Variants in ELN observed in about 807,000 individuals in gnomAD.
ELN encodes tropoelastin.
Under a neutral mutation model 105.8 loss-of-function variants are expected in ELN, and 65 were observed. The observed-to-expected ratio is 0.61, with a 90% CI of 0.50 to 0.75. ELN has a LOEUF of 0.75. ELN is among the 30% of genes least tolerant of loss of function. The pLI, the probability that ELN is intolerant of heterozygous loss-of-function variation, is 0.00. For synonymous variants in ELN, 368 were observed against 389.2 expected, an observed-to-expected ratio of 0.95 and a Z score of 0.64; for missense variants, 882 against 969.4, an observed-to-expected ratio of 0.91 and a Z score of 1.20.
At chr7:74,055,936 GCCA>G (rs1563834870) in intron 19 of ELN, among the ~76,000 whole-genome samples, 1 of 151,458 alleles carries the variant, frequency 6.6e-6, no homozygotes, top group East Asian at 1.9e-4. Context: ...ACAGGTGCCC[GCCA>G]CCACGCCCGG....
intron 23 of ELN, 23 bp downstream of exon 23, chr7:74,060,070 C>T (rs1563854209): frequency 1.2e-6 from 2 of 1,614,118 alleles, no homozygotes; most frequent in Non-Finnish European, 8.5e-7. Flanking sequence ...AGTCAATGAG[C>T]CTGAGGGGCC....
At chr7:74,029,560 C>T (rs1554661048) in intron 1 of ELN, among the ~76,000 whole-genome samples, 1 of 152,130 alleles carries the variant, frequency 6.6e-6, no homozygotes, top group Non-Finnish European at 1.5e-5. Flanking sequence ...GGGGTGGAGT[C>T]AAGGGCCTGG....
chr7:74,036,313 A>T (rs563967078), intron 2 of ELN, among the ~76,000 whole-genome samples: 1 of 152,030 alleles, frequency 6.6e-6, no homozygotes, highest in South Asian at 2.1e-4. Context: ...TAAAAAATTA[A>T]AAAAAGCATT....
intron 22 of ELN, among the ~76,000 whole-genome samples, chr7:74,058,056 C>CCTTCTT (rs569093979): frequency 6.6e-6 from 1 of 151,184 alleles, no homozygotes; most frequent in African/African-American, 2.4e-5. Flanking sequence ...TGCTCCTCTT[C>CCTTCTT]CTTCTTCTTC....
chr7:74,033,755 G>A (rs1554663867), intron 1 of ELN, among the ~76,000 whole-genome samples: 1 of 152,226 alleles, frequency 6.6e-6, no homozygotes, highest in Non-Finnish European at 1.5e-5. Context: ...TGGCCGCGAG[G>A]CCTCCCTGGA....
rs927874306 is a variant in ELN at position 74,063,563 on chromosome 7, C to T, written c.1919-58C>T. 104 of 1,613,066 alleles carry T rather than the reference C, an allele frequency of 6.4e-5. No homozygotes were observed. The highest frequency in any genetic ancestry group is 3.2e-4 in the South Asian group (29 of 91,060). On this transcript the variant is annotated intron_variant, in intron 28 of 32. Coordinates refer to ENST00000252034, the MANE Select transcript of ELN (RefSeq NM_000501.4). The surrounding 1 kb of genome is among the most constrained non-coding windows in gnomAD (Gnocchi z 4.1). The stretch of plus-strand genomic sequence containing the variant: ...GAGGACACCTCCGCCCTCCACAGGC[C>T]GAGGCTTCAGTCCCACCTTTCTGAC...
At position 74,051,995 on chromosome 7, in the gene ELN, C is replaced by T; in HGVS notation, c.949+12C>T. On this transcript the variant is annotated intron_variant, in intron 17 of 32. Coordinates refer to ENST00000252034, the MANE Select transcript of ELN (RefSeq NM_000501.4). ...GGCAGCCAAGTATGGTGAGTGCCTC[C>T]CGGGGTGGCAAGTCCACGGCTCGGG... The T allele has an allele frequency of 6.2e-7, 1 of 1,612,688 alleles. No individual in the cohort carries two copies. Among genetic ancestry groups the T allele is most frequent in the Non-Finnish European group, 8.5e-7 (1 of 1,180,008 alleles).
At chr7:74,045,091 C>T (rs1020973471) in intron 9 of ELN, 131 bp from the exon 10 acceptor site, 35 of 976,990 alleles carry the variant, frequency 3.6e-5, no homozygotes, top group Admixed American at 5.4e-5. Flanking sequence ...TCTCCACCCA[C>T]CCCGTGAGCC....
At position 74,063,144 on chromosome 7, in the gene ELN, T is replaced by A; in HGVS notation, c.1787-9T>A. Reference sequence around the variant, plus strand: ...AATGGAACACTCATTTTCCCTCCTCTCCCCGCAGGAGCAGCAGTGCCTGGG... The same window carrying A: ...AATGGAACACTCATTTTCCCTCCTCACCCCGCAGGAGCAGCAGTGCCTGGG... On this transcript the variant is annotated splice_polypyrimidine_tract_variant and intron_variant, in intron 26 of 32. Transcript: ENST00000252034. This position sits in a 1 kb window ranked among gnomAD's most constrained non-coding sequence, Gnocchi z 4.1. 1 of 1,600,222 alleles carries A rather than the reference T, an allele frequency of 6.2e-7. No homozygotes were observed. Among genetic ancestry groups the A allele is most frequent in the Non-Finnish European group, 8.5e-7 (1 of 1,175,330 alleles).
At chr7:74,062,009 C>T (rs1796794989) in intron 26 of ELN, among the ~76,000 whole-genome samples, 1 of 152,240 alleles carries the variant, frequency 6.6e-6, no homozygotes, top group South Asian at 2.1e-4. Flanking sequence ...AGCAGGACCG[C>T]TCCCACCACG....
intron 19 of ELN, among the ~76,000 whole-genome samples, chr7:74,055,944 G>C (rs989271903): frequency 2.6e-5 from 4 of 151,618 alleles, no homozygotes; most frequent in Non-Finnish European, 5.9e-5. Context: ...CCGCCACCAC[G>C]CCCGGCTAAT....
rs143628969 is a variant in ELN, at chr7:74,062,614, G to A, written c.1787-539G>A. ...CGCCCAGGCTGGAATGCAGTGGTAC[G>A]ATCTTGGCTCCCTGCAGCCTCCATC... On this transcript the variant is annotated intron_variant, in intron 26 of 32. Coordinates refer to ENST00000252034, the MANE Select transcript of ELN (RefSeq NM_000501.4). 9.8e-3 allele frequency among the ~76,000 whole-genome samples: 1,493 copies of A among 152,196 alleles called. 23 individuals carry two copies. Among genetic ancestry groups the A allele is most frequent in the African/African-American group, 0.034 (1,412 of 41,530 alleles).
chr7:74,046,087 T>G (rs1381849605), intron 10 of ELN, 101 bp from the exon 11 acceptor site: 2 of 1,507,890 alleles, frequency 1.3e-6, no homozygotes, highest in Non-Finnish European at 1.8e-6. Flanking sequence ...ATGACTGGTC[T>G]GGGAAGAACT....
chr7:74,036,558 CT>C lies in ELN; in HGVS notation c.138del (p.Gly47ValfsTer75). On this transcript the variant is annotated frameshift_variant, in exon 3 of 33. Transcript: ENST00000252034. LOFTEE classifies it high-confidence loss of function. Reference protein sequence around the residue: ...GVPGGVFYPGAGLGALGGGAL... With the variant: ...GVPGGVFYPGXGLGALGGGAL... ...TTCTCTTTCTCTCCCCCCACAGGGG[CT>C]GGTCTCGGAGCCCTTGGAGGAGGAG... The C allele has an allele frequency of 6.2e-7, 1 of 1,614,110 alleles. No homozygotes were observed.
In ELN at chr7:74,046,165, G is replaced by T. The variant is rs553790639; in HGVS notation, c.542-23G>T. 5 of 1,614,266 alleles carry T rather than the reference G, an allele frequency of 3.1e-6. No individual in the cohort carries two copies. In the African/African-American group the frequency reaches 6.7e-5, roughly 22 times the overall value. On this transcript the variant is annotated intron_variant, in intron 10 of 32. Transcript: ENST00000252034. The stretch of plus-strand genomic sequence containing the variant: ...CAGTGTCCACAGTTCCAGGGCTGTA[G>T]TGACAGCTTTTTATCATTACAGGTG...
chr7:74,068,819 G>T lies in ELN; in HGVS notation c.*119G>T. The T allele has an allele frequency of 1.5e-6, 2 of 1,304,274 alleles. No homozygotes were observed. Among genetic ancestry groups the T allele is most frequent in the African/African-American group, 2.9e-5 (2 of 68,966 alleles). 80.8% of individuals were successfully genotyped at this position (1,304,274 alleles called of 1,614,324 possible). A position where few individuals can be genotyped will look rare whatever the true frequency, so the allele number is the denominator to read the frequency against. The stretch of plus-strand genomic sequence containing the variant: ...CCGACTCCCCACCCCAGGAGGGAAC[G>T]GGCAGGCCGGGCGGCCTTGCAGATC... On this transcript the variant is annotated 3_prime_UTR_variant, in exon 33 of 33. Coordinates refer to ENST00000252034, the MANE Select transcript of ELN (RefSeq NM_000501.4).
Position 74,048,197 on chromosome 7 carries a change from G to T in ELN, c.741G>T (p.Gly247=), listed in dbSNP as rs782414500. Residue 247 remains glycine (G), a synonymous_variant, in exon 14 of 33, where the codon GGG becomes GGT. Transcript: ENST00000252034. ...CGGGCAAGGCTGGTTACCCAACAGG[G>T]ACAGGTAAGGAAAGCCTCACGTCAC... is the stretch of plus-strand genomic sequence containing the variant. The part of the protein sequence containing the change: ...GAAGKAGYPT[G]TGVGPQAAAA... 27 of 1,614,034 alleles carry T rather than the reference G, an allele frequency of 1.7e-5. No individual in the cohort carries two copies. Among genetic ancestry groups the T allele is most frequent in the Non-Finnish European group, 2.2e-5 (26 of 1,179,942 alleles).
chr7:74,029,851 C>A (rs1267591223), intron 1 of ELN, among the ~76,000 whole-genome samples: 1 of 152,198 alleles, frequency 6.6e-6, no homozygotes, highest in Non-Finnish European at 1.5e-5. Context: ...CATCACTTGA[C>A]AAACAAGGAA....
chr7:74,066,425 C>T (rs1044154689), intron 31 of ELN, among the ~76,000 whole-genome samples: 10 of 151,904 alleles, frequency 6.6e-5, no homozygotes, highest in Admixed American at 6.6e-4. Flanking sequence ...CAAAAATTAG[C>T]CAAACGTGGT....
Sources: allele counts gnomAD v4.1 joint callset (sites outside exome capture counted in the v4.1 genomes callset), GRCh38; gene constraint gnomAD v4.1.1; non-coding constraint Gnocchi (gnomAD v3.1); transcripts MANE v1.5; gene names NCBI Gene and HGNC (gene_info 2026-07-23, HGNC 2026-07-21).